The following EFCAB6 variants were observed in gnomAD, a reference collection of about 807,000 sequenced individuals.
EFCAB6 encodes the protein EF-hand calcium binding domain 6.
EFCAB6 carries 156 observed loss-of-function variants against 169.8 expected under a neutral mutation model. The ratio of observed to expected loss-of-function variants is 0.92; its 90% CI spans 0.81 to 1.05. The LOEUF (loss-of-function observed/expected upper bound fraction) is 1.05. Ranked by LOEUF, EFCAB6 falls within the 50% of genes least tolerant of loss-of-function variation. The pLI, the probability that EFCAB6 is intolerant of heterozygous loss-of-function variation, is 0.00. For synonymous variants in EFCAB6, 698 were observed against 676.4 expected, an observed-to-expected ratio of 1.03 and a Z score of -0.50; for missense variants, 1,800 against 1,829.1, an observed-to-expected ratio of 0.98 and a Z score of 0.29.
At chr22:43,726,169 CA>C (rs1201769988) in intron 8 of EFCAB6, among the ~76,000 whole-genome samples, 1 of 138,950 alleles carries the variant, frequency 7.2e-6, no homozygotes, top group African/African-American at 2.7e-5. Context: ...TGATAAAATG[CA>C]AAAACAAAAA....
chr22:43,801,887 A>G (rs1259136872), intron 2 of EFCAB6, among the ~76,000 whole-genome samples: 1 of 152,210 alleles, frequency 6.6e-6, no homozygotes, highest in African/African-American at 2.4e-5. Flanking sequence ...CTGAATGTTC[A>G]TTGACTCGGT....
chr22:43,651,265 C>T (rs926125408), intron 17 of EFCAB6, among the ~76,000 whole-genome samples: 2 of 152,150 alleles, frequency 1.3e-5, no homozygotes, highest in African/African-American at 4.8e-5. Flanking sequence ...GCCCTGCATC[C>T]CAGCAGCTCC....
intron 10 of EFCAB6, among the ~76,000 whole-genome samples, chr22:43,710,748 T>C (rs898218935): frequency 6.6e-6 from 1 of 152,184 alleles, no homozygotes; most frequent in African/African-American, 2.4e-5. Flanking sequence ...AGACAGTCTA[T>C]ATATGTTTGC....
intron 17 of EFCAB6, among the ~76,000 whole-genome samples, chr22:43,655,032 C>A (rs747783542): frequency 2.0e-5 from 3 of 152,202 alleles, no homozygotes; most frequent in African/African-American, 7.2e-5. Flanking sequence ...CTGAGCCGAG[C>A]GGATCACCTG....
At chr22:43,779,686 G>C (rs960449057) in intron 3 of EFCAB6, among the ~76,000 whole-genome samples, 2 of 152,082 alleles carry the variant, frequency 1.3e-5, no homozygotes, top group African/African-American at 4.8e-5. Context: ...CTTGCAGTGA[G>C]CCAAGATCGC....
Position 43,795,606 on chromosome 22 carries a change from G to A in EFCAB6, c.-7-13281C>T, listed in dbSNP as rs560797817. ...TCTTCCTTGCAGAGTCTCTCACACA[G>A]CCTGCACTTCTCCGGCACTGTACAT... is the stretch of plus-strand genomic sequence containing the variant. On this transcript the variant is annotated intron_variant, in intron 2 of 31. Coordinates refer to ENST00000262726, the MANE Select transcript of EFCAB6 (RefSeq NM_022785.4). The surrounding 1 kb of genome is among the most constrained non-coding windows in gnomAD (Gnocchi z 4.2). Among the ~76,000 whole-genome samples the A allele has an allele frequency of 6.6e-6, 1 of 152,130 alleles. No individual in the cohort carries two copies. The highest frequency in any genetic ancestry group is 6.5e-5 in the Admixed American group (1 of 15,276).
chr22:43,687,154 C>A (rs1009306314), intron 11 of EFCAB6, among the ~76,000 whole-genome samples: 1 of 152,206 alleles, frequency 6.6e-6, no homozygotes, highest in African/African-American at 2.4e-5. Flanking sequence ...CTTGCCGTGG[C>A]GGCCTGTGTG....
intron 18 of EFCAB6, among the ~76,000 whole-genome samples, chr22:43,634,640 G>A (rs2055241447): frequency 7.2e-6 from 1 of 139,092 alleles, no homozygotes; most frequent in African/African-American, 2.6e-5. Flanking sequence ...CCAGGACACT[G>A]CACAAAGATG....
In EFCAB6 at chr22:43,765,458, G is replaced by A. The variant is rs2061298061; in HGVS notation, c.352-65C>T. ...TAAGATCCAAGCAATAGACGGTAAA[G>A]CAGATTTCTAAATCACAGCTCTCAG... On this transcript the variant is annotated intron_variant, in intron 4 of 31. Transcript: ENST00000262726. The A allele has an allele frequency of 4.0e-6, 5 of 1,263,968 alleles. No homozygotes were observed. In the Admixed American group the frequency reaches 8.7e-5, roughly 22 times the overall value. 78.3% of individuals were successfully genotyped at this position (1,263,968 alleles called of 1,614,324 possible).
At chr22:43,653,098 A>C (rs2056558411) in intron 17 of EFCAB6, among the ~76,000 whole-genome samples, 1 of 152,190 alleles carries the variant, frequency 6.6e-6, no homozygotes, top group Non-Finnish European at 1.5e-5. Context: ...GAAGAGAGGC[A>C]TGTGGGATCC....
intron 8 of EFCAB6, among the ~76,000 whole-genome samples, chr22:43,720,086 C>A (rs1007378883): frequency 2.0e-5 from 3 of 151,994 alleles, no homozygotes; most frequent in Non-Finnish European, 4.4e-5. Context: ...AAACATTTCA[C>A]AATGTATATG....
chr22:43,635,021 T>C, intron 18 of EFCAB6, 81 bp downstream of exon 18: 1 of 1,088,600 alleles, frequency 9.2e-7, no homozygotes, highest in Non-Finnish European at 1.4e-6. Context: ...TCAACCCGAG[T>C]GGCCTGGTGG....
In EFCAB6 at chr22:43,757,808, CA is replaced by C. The variant is rs2061012541; in HGVS notation, c.441-1977del. Among the ~76,000 whole-genome samples, 5 of 152,300 alleles carry C rather than the reference CA, an allele frequency of 3.3e-5. No individual in the cohort carries two copies. In the South Asian group the frequency reaches 1.0e-3, roughly 32 times the overall value. On this transcript the variant is annotated intron_variant, in intron 5 of 31. Coordinates refer to ENST00000262726, the MANE Select transcript of EFCAB6 (RefSeq NM_022785.4). The stretch of plus-strand genomic sequence containing the variant: ...TTTTCCTTATCTACATCTTGCTTCC[CA>C]AACTCCATCTCAGTGTCTGCTTCAG...
chr22:43,551,743 G>A (rs1233985223), intron 27 of EFCAB6: 2 of 151,864 alleles, frequency 1.3e-5, no homozygotes, highest in African/African-American at 2.4e-5. Flanking sequence ...CCACTTACAA[G>A]TGAGAACATG....
At chr22:43,574,620 T>A (rs1165877266) in intron 26 of EFCAB6, among the ~76,000 whole-genome samples, 1 of 148,232 alleles carries the variant, frequency 6.7e-6, no homozygotes, top group Non-Finnish European at 1.5e-5. Flanking sequence ...ATGTCTCCCA[T>A]GAATATGTAT....
intron 6 of EFCAB6, among the ~76,000 whole-genome samples, chr22:43,755,051 G>A (rs1253536005): frequency 6.6e-6 from 1 of 152,086 alleles, no homozygotes; most frequent in Non-Finnish European, 1.5e-5. Flanking sequence ...TGGATCTCTG[G>A]CTATTTTTGA....
At position 43,713,669 on chromosome 22, in the gene EFCAB6, C is replaced by A. The variant is rs190147611; in HGVS notation, c.883-2046G>T. 2.7e-4 allele frequency among the ~76,000 whole-genome samples: 41 copies of A among 152,290 alleles called. No individual in the cohort carries two copies. In the East Asian group the frequency reaches 7.9e-3, roughly 29 times the overall value. Reference sequence around the variant, plus strand: ...AACCTTGGCATCTGTGGACCAGAAGCTAAGCTTACAACCACTTATGGTGGC... The same window carrying A: ...AACCTTGGCATCTGTGGACCAGAAGATAAGCTTACAACCACTTATGGTGGC... On this transcript the variant is annotated intron_variant, in intron 9 of 31. Transcript: ENST00000262726.
chr22:43,678,196 G>GAAAA lies in EFCAB6; in HGVS notation c.1252-37_1252-34dup, dbSNP rs34240326. The GAAAA allele has an allele frequency of 7.3e-5, 87 of 1,194,992 alleles. No homozygotes were observed. In the African/African-American group the frequency reaches 8.8e-4, roughly 12 times the overall value. The allele number at this position is 1,194,992 out of a possible 1,614,324, so 74.0% of individuals were successfully genotyped here. A position where few individuals can be genotyped will look rare whatever the true frequency, so the allele number is the denominator to read the frequency against. On this transcript the variant is annotated intron_variant, in intron 12 of 31. Transcript: ENST00000262726. ...TCAGAGTGTATATAAGGGAATTTTT[G>GAAAA]AAAAAAAAAAAAAAAGGAAGAAAAA...
rs141526681 is a variant in EFCAB6 at position 43,534,905 on chromosome 22, G to GATTCATTC, written c.4049-41_4049-34dup. Reference sequence around the variant, plus strand: ...AAAAAATGGCAGTTCAATTGGTGGCGATTCATTCATTCATTCATTCTTCAC... The same window carrying GATTCATTC: ...AAAAAATGGCAGTTCAATTGGTGGCGATTCATTCATTCATTCATTCATTCATTCTTCAC... On this transcript the variant is annotated intron_variant, in intron 29 of 31. Coordinates refer to ENST00000262726, the MANE Select transcript of EFCAB6 (RefSeq NM_022785.4). 50 of 1,572,546 alleles carry GATTCATTC rather than the reference G, an allele frequency of 3.2e-5. No individual in the cohort carries two copies. The Admixed American group carries it at 4.2e-4, about 13-fold the overall frequency.
Sources: allele counts gnomAD v4.1 joint callset (sites outside exome capture counted in the v4.1 genomes callset), GRCh38; gene constraint gnomAD v4.1.1; non-coding constraint Gnocchi (gnomAD v3.1); transcripts MANE v1.5; gene names NCBI Gene and HGNC (gene_info 2026-07-23, HGNC 2026-07-21).